Variants in CYYR1 observed in about 807,000 individuals in gnomAD.
The protein encoded by CYYR1 is cysteine and tyrosine rich 1, also known as cysteine and tyrosine-rich protein 1.
Under a neutral mutation model 15.2 loss-of-function variants are expected in CYYR1, and 14 were observed. The ratio of observed to expected loss-of-function variants is 0.92; its 90% CI spans 0.61 to 1.44. The LOEUF is 1.44. Ranked by LOEUF, CYYR1 falls within the 40% of genes most tolerant of loss-of-function variation. The probability of loss-of-function intolerance (pLI) is 0.00; values close to 1 mark genes in which losing one functional copy is unlikely to be tolerated. For synonymous variants in CYYR1, 80 were observed against 77.4 expected (o/e 1.03, Z -0.18); for missense variants, 228 against 209.5 (o/e 1.09, Z -0.54).
At chr21:26,564,550 A>T in intron 2 of CYYR1, 1 of 494,936 alleles carries the variant, frequency 2.0e-6, no homozygotes, top group African/African-American at 2.1e-5. Context: ...AACATGTACC[A>T]TAAAAATGTG....
intron 2 of CYYR1, among the ~76,000 whole-genome samples, chr21:26,554,014 T>C (rs1379549424): frequency 6.6e-6 from 1 of 152,224 alleles, no homozygotes; most frequent in African/African-American, 2.4e-5. Context: ...TTGTTCCAAA[T>C]GTAGGTTATG....
chr21:26,550,540 T>C (rs1347163525), intron 2 of CYYR1: 1 of 152,132 alleles, frequency 6.6e-6, no homozygotes, highest in East Asian at 1.9e-4. Context: ...AAGGAAAAGT[T>C]CTTGAAGGAA....
At chr21:26,535,268 T>C (rs2065980793) in intron 2 of CYYR1, among the ~76,000 whole-genome samples, 1 of 152,172 alleles carries the variant, frequency 6.6e-6, no homozygotes, top group African/African-American at 2.4e-5. Context: ...GTTAAAATTA[T>C]TTTAAAAAAT....
intron 2 of CYYR1, among the ~76,000 whole-genome samples, chr21:26,495,341 G>T (rs760040107): frequency 6.6e-6 from 1 of 152,126 alleles, no homozygotes; most frequent in Non-Finnish European, 1.5e-5. Flanking sequence ...CAACAGTTAG[G>T]GCTTGCCAAA....
intron 2 of CYYR1, among the ~76,000 whole-genome samples, chr21:26,554,489 C>G (rs962265267): frequency 2.6e-5 from 4 of 152,092 alleles, no homozygotes; most frequent in Admixed American, 2.6e-4. Context: ...CAGTATTATG[C>G]CTTCAGCAAC....
chr21:26,499,837 T>G (rs1310001099), intron 2 of CYYR1, among the ~76,000 whole-genome samples: 13 of 136,866 alleles, frequency 9.5e-5, no homozygotes, highest in Non-Finnish European at 1.9e-4. Context: ...CACATTTTTG[T>G]TTTTTTTTTT....
chr21:26,472,333 A>C (rs868556371), intron 3 of CYYR1, among the ~76,000 whole-genome samples: 3 of 150,776 alleles, frequency 2.0e-5, no homozygotes, highest in African/African-American at 7.5e-5. Flanking sequence ...TAGACTTTTT[A>C]ATTATTTTTT....
intron 2 of CYYR1, among the ~76,000 whole-genome samples, chr21:26,520,122 A>ATATATATATG: frequency 1.6e-5 from 1 of 61,392 alleles, no homozygotes; most frequent in Non-Finnish European, 3.7e-5. Context: ...AGATATATAT[A>ATATATATATG]TATATATATA....
intron 2 of CYYR1, among the ~76,000 whole-genome samples, chr21:26,512,858 C>T (rs114030670): frequency 0.04 from 6,094 of 152,212 alleles, 400 homozygotes; most frequent in African/African-American, 0.14. Flanking sequence ...AATGGGACCC[C>T]TGGAGTTGGC....
At chr21:26,478,237 A>C in intron 3 of CYYR1, 1 of 1,437,662 alleles carries the variant, frequency 7.0e-7, no homozygotes, top group South Asian at 1.4e-5. Flanking sequence ...GCAGAGCAGC[A>C]CAAAGAGAAT....
At chr21:26,536,704 G>A (rs1479129092) in intron 2 of CYYR1, among the ~76,000 whole-genome samples, 3 of 152,050 alleles carry the variant, frequency 2.0e-5, no homozygotes, top group Non-Finnish European at 2.9e-5. Context: ...CTGAGACACC[G>A]GATTGGAAAT....
At chr21:26,477,478 A>G (rs2065119706) in intron 3 of CYYR1, 1 of 165,478 alleles carries the variant, frequency 6.0e-6, no homozygotes, top group Non-Finnish European at 1.2e-5. Flanking sequence ...CTGTGACCTG[A>G]AAGTATAAAT....
At chr21:26,506,108 A>G (rs563440853) in intron 2 of CYYR1, among the ~76,000 whole-genome samples, 9 of 152,208 alleles carry the variant, frequency 5.9e-5, no homozygotes, top group African/African-American at 2.2e-4. Context: ...CAGTCAATCG[A>G]CCACCCATTT....
At chr21:26,473,199 A>G (rs920970406) in intron 3 of CYYR1, among the ~76,000 whole-genome samples, 6 of 152,092 alleles carry the variant, frequency 3.9e-5, no homozygotes, top group African/African-American at 1.4e-4. Context: ...CATGCCTTAT[A>G]TTTAAAGACA....
chr21:26,484,042 AG>A (rs2065219402), intron 2 of CYYR1, among the ~76,000 whole-genome samples: 1 of 152,166 alleles, frequency 6.6e-6, no homozygotes, highest in African/African-American at 2.4e-5. Flanking sequence ...CACTGGGGCC[AG>A]ATCTGTCTCA....
At chr21:26,529,289 T>C (rs549191761) in intron 2 of CYYR1, among the ~76,000 whole-genome samples, 1 of 152,352 alleles carries the variant, frequency 6.6e-6, no homozygotes, top group South Asian at 2.1e-4. Context: ...CTTTTGCATC[T>C]TTTTTAGAAT....
intron 2 of CYYR1, among the ~76,000 whole-genome samples, chr21:26,514,029 G>A (rs978915519): frequency 2.7e-5 from 4 of 150,624 alleles, no homozygotes; most frequent in South Asian, 2.1e-4. Context: ...AAACCTGCAC[G>A]TTGTGCACAT....
chr21:26,532,720 T>TGAA (rs1438945917), intron 2 of CYYR1, among the ~76,000 whole-genome samples: 3 of 152,136 alleles, frequency 2.0e-5, no homozygotes, highest in Non-Finnish European at 4.4e-5. Context: ...ACTAAGTACT[T>TGAA]ATGTACGAAT....
intron 3 of CYYR1, among the ~76,000 whole-genome samples, chr21:26,476,357 T>C (rs1184094608): frequency 6.6e-6 from 1 of 152,152 alleles, no homozygotes; most frequent in Non-Finnish European, 1.5e-5. Context: ...TTTCACCTGA[T>C]AACTGACAAG....
Sources: allele counts gnomAD v4.1 joint callset (sites outside exome capture counted in the v4.1 genomes callset), GRCh38; gene constraint gnomAD v4.1.1; transcripts MANE v1.5; gene names NCBI Gene and HGNC (gene_info 2026-07-23, HGNC 2026-07-21).